Variants in EPB41L2 observed in about 807,000 individuals in gnomAD.
EPB41L2 encodes erythrocyte membrane protein band 4.1 like 2.
In EPB41L2, 43 loss-of-function variants were observed where a neutral mutation model predicts 113.0. That is an observed-to-expected ratio of 0.38 (90% CI 0.30 to 0.49). EPB41L2 has a LOEUF of 0.49. Among genes scored for constraint, EPB41L2 ranks in the 20% least tolerant of loss-of-function variants. The pLI is 0.95. For synonymous variants in EPB41L2, 442 were observed against 436.7 expected (o/e 1.01, Z -0.15); for missense variants, 1,147 against 1,223.4 (o/e 0.94, Z 0.93).
chr6:130,870,862 G>C (rs1226705829), intron 14 of EPB41L2, among the ~76,000 whole-genome samples: 2 of 151,418 alleles, frequency 1.3e-5, no homozygotes, highest in Non-Finnish European at 2.9e-5. Flanking sequence ...ATTATAGTTA[G>C]CCTCAGAAGG....
chr6:131,056,206 G>A (rs1256189628), intron 1 of EPB41L2, among the ~76,000 whole-genome samples: 2 of 152,226 alleles, frequency 1.3e-5, no homozygotes, highest in Non-Finnish European at 2.9e-5. Context: ...AATGCCATAT[G>A]CAGAGGTTTA....
At chr6:130,938,239 A>G (rs924153360) in intron 3 of EPB41L2, among the ~76,000 whole-genome samples, 1 of 152,218 alleles carries the variant, frequency 6.6e-6, no homozygotes, top group African/African-American at 2.4e-5. Flanking sequence ...CAATCTAGGG[A>G]AAAATCCACT....
chr6:130,956,518 T>C lies in EPB41L2; in HGVS notation c.-14-19A>G, dbSNP rs1462216562. ...GCTTATGCTGTAATCAAAACAAAAA[T>C]CATAAAATGTCATTTTGTAAGTTCT... On this transcript the variant is annotated intron_variant, in intron 1 of 19. Transcript: ENST00000337057. The C allele has an allele frequency of 4.5e-6, 7 of 1,560,670 alleles. No individual in the cohort carries two copies. The highest frequency in any genetic ancestry group is 6.0e-6 in the Non-Finnish European group (7 of 1,158,480).
intron 4 of EPB41L2, among the ~76,000 whole-genome samples, chr6:130,913,749 A>G (rs990313678): frequency 7.2e-5 from 11 of 152,242 alleles, no homozygotes; most frequent in African/African-American, 2.4e-4. Flanking sequence ...AAAGAAATAC[A>G]AGTTAATGAT....
intron 19 of EPB41L2, among the ~76,000 whole-genome samples, chr6:130,850,010 G>A (rs1390654818): frequency 1.3e-5 from 2 of 152,138 alleles, no homozygotes; most frequent in Non-Finnish European, 2.9e-5. Flanking sequence ...AAGGCGGGTG[G>A]ATCACCTGAG....
chr6:131,040,817 G>A (rs891501971), intron 1 of EPB41L2, among the ~76,000 whole-genome samples: 6 of 152,064 alleles, frequency 3.9e-5, no homozygotes, highest in African/African-American at 1.2e-4. Context: ...TGTTTGTTCT[G>A]AATCTAATCA....
chr6:130,942,429 T>C (rs1425373810), intron 3 of EPB41L2, among the ~76,000 whole-genome samples: 4 of 152,044 alleles, frequency 2.6e-5, no homozygotes, highest in East Asian at 1.9e-4. Flanking sequence ...CAGGAAGCAA[T>C]AGAAAAGAAA....
At chr6:130,860,120 T>G (rs1470413008) in intron 18 of EPB41L2, among the ~76,000 whole-genome samples, 1 of 152,216 alleles carries the variant, frequency 6.6e-6, no homozygotes, top group East Asian at 1.9e-4. Flanking sequence ...GAGATTGGAA[T>G]GATCCAAGCC....
intron 1 of EPB41L2, among the ~76,000 whole-genome samples, chr6:130,964,843 G>A (rs1774612204): frequency 6.6e-6 from 1 of 152,150 alleles, no homozygotes; most frequent in Non-Finnish European, 1.5e-5. Flanking sequence ...AAAGAGGATA[G>A]ATGGGTTGGT....
At chr6:130,928,675 T>C (rs919601364) in intron 3 of EPB41L2, among the ~76,000 whole-genome samples, 5 of 152,184 alleles carry the variant, frequency 3.3e-5, no homozygotes, top group African/African-American at 1.2e-4. Context: ...GGAAAAAACA[T>C]CCACACAGCT....
intron 1 of EPB41L2, among the ~76,000 whole-genome samples, chr6:130,972,727 G>A (rs969834717): frequency 1.1e-4 from 17 of 151,874 alleles, no homozygotes; most frequent in African/African-American, 3.9e-4. Context: ...CTTGTAAATC[G>A]CAAAGAAAAT....
chr6:130,888,384 T>C (rs1791724372), intron 11 of EPB41L2, among the ~76,000 whole-genome samples: 1 of 152,218 alleles, frequency 6.6e-6, no homozygotes, highest in South Asian at 2.1e-4. Context: ...TGTGCCATGT[T>C]TGTTGTTTTC....
intron 3 of EPB41L2, among the ~76,000 whole-genome samples, chr6:130,943,623 C>T (rs534790423): frequency 3.3e-5 from 5 of 152,274 alleles, no homozygotes; most frequent in African/African-American, 1.2e-4. Context: ...AAGTTTAATG[C>T]TTTTAAAATA....
intron 5 of EPB41L2, among the ~76,000 whole-genome samples, chr6:130,907,843 ATAAG>A (rs71701994): frequency 0.046 from 7,013 of 152,218 alleles, 544 homozygotes; most frequent in East Asian, 0.39. Context: ...CTTAGGAATA[ATAAG>A]TAAGTAAGGA....
chr6:130,890,277 A>G lies in EPB41L2; in HGVS notation c.1660+17T>C, dbSNP rs879130148. On this transcript the variant is annotated intron_variant, in intron 11 of 19. Coordinates refer to ENST00000337057, the MANE Select transcript of EPB41L2 (RefSeq NM_001431.4). ...AGAAAGATGAATGAAAATCAAAATT[A>G]TCATAAATGTGTTTACCTCCATCTA... The G allele has an allele frequency of 6.3e-7, 1 of 1,588,520 alleles. No homozygotes were observed. The highest frequency in any genetic ancestry group is 8.6e-7 in the Non-Finnish European group (1 of 1,168,266).
Position 130,932,287 on chromosome 6 carries a change from A to C in EPB41L2, c.706-5578T>G, listed in dbSNP as rs1272186169. The stretch of plus-strand genomic sequence containing the variant: ...ACACTAATATTCCACACTTCTATCC[A>C]GGAAAGTAATTTTCTTCCATTAACA... On this transcript the variant is annotated intron_variant, in intron 3 of 19. Transcript: ENST00000337057. Among the ~76,000 whole-genome samples the C allele has an allele frequency of 5.3e-5, 8 of 149,682 alleles. No individual in the cohort carries two copies. In the East Asian group the frequency reaches 1.4e-3, roughly 26 times the overall value.
At chr6:130,874,639 T>C (rs1042569014) in intron 14 of EPB41L2, among the ~76,000 whole-genome samples, 2 of 152,148 alleles carry the variant, frequency 1.3e-5, no homozygotes, top group Non-Finnish European at 2.9e-5. Context: ...TATATGAATG[T>C]CAAAAAAGTA....
chr6:130,940,464 C>T (rs557168577), intron 3 of EPB41L2, among the ~76,000 whole-genome samples: 3 of 142,964 alleles, frequency 2.1e-5, no homozygotes, highest in African/African-American at 5.3e-5. Context: ...CTAAATATAT[C>T]TTTTTTTTTT....
chr6:131,041,377 G>C (rs946856782), intron 1 of EPB41L2, among the ~76,000 whole-genome samples: 1 of 152,122 alleles, frequency 6.6e-6, no homozygotes, highest in East Asian at 1.9e-4. Flanking sequence ...AGCTTAATGG[G>C]AAATCAAGCT....
Sources: gnomAD v4.1 joint callset for allele counts (sites outside exome capture counted in the v4.1 genomes callset) on GRCh38, gnomAD v4.1.1 for gene constraint, MANE v1.5 for transcripts, NCBI Gene and HGNC (gene_info 2026-07-23, HGNC 2026-07-21) for gene names.